The following TAF8 variants were observed in gnomAD, a reference collection of about 807,000 sequenced individuals.
TAF8 encodes TATA-box binding protein associated factor 8, also known as transcription initiation factor TFIID subunit 8.
TAF8 carries 47 observed loss-of-function variants against 36.5 expected under a neutral mutation model. The observed-to-expected ratio is 1.29, with a 90% CI of 1.02 to 1.64. The LOEUF is 1.64. Among genes scored for constraint, TAF8 ranks in the 40% most tolerant of loss-of-function variants. The pLI, the probability that TAF8 is intolerant of heterozygous loss-of-function variation, is 0.00. For synonymous variants in TAF8, 175 were observed against 159.5 expected (o/e 1.10, Z -0.73); for missense variants, 420 against 407.6 (o/e 1.03, Z -0.26).
chr6:42,061,288 A>G (rs1765182762), intron 5 of TAF8, among the ~76,000 whole-genome samples: 1 of 152,234 alleles, frequency 6.6e-6, no homozygotes, highest in East Asian at 1.9e-4. Flanking sequence ...AACATTATAG[A>G]AGTTTCCCAT....
In TAF8 at chr6:42,081,170, A is replaced by T. The variant is rs1346962877; in HGVS notation, c.*3625A>T. ...TGTCCTTTATTTTCTTTCCTCCTGGAGTGTGTGTGTGTGTGTGTGTGCGTG... is the reference window on the plus strand; with the variant it reads ...TGTCCTTTATTTTCTTTCCTCCTGGTGTGTGTGTGTGTGTGTGTGTGCGTG... On this transcript the variant is annotated 3_prime_UTR_variant, in exon 9 of 9. Coordinates refer to ENST00000372977, the MANE Select transcript of TAF8 (RefSeq NM_138572.3). The T allele has an allele frequency of 2.2e-5, 3 of 137,076 alleles. No individual in the cohort carries two copies. Among genetic ancestry groups the T allele is most frequent in the Admixed American group, 7.2e-5 (1 of 13,862 alleles). The allele number at this position is 137,076 out of a possible 1,614,324, so 8.5% of individuals were successfully genotyped here.
At chr6:42,066,231 T>C in intron 5 of TAF8, 81 bp from the exon 6 acceptor site, 1 of 1,566,274 alleles carries the variant, frequency 6.4e-7, no homozygotes, top group Non-Finnish European at 8.7e-7. Context: ...GAACAGGGCA[T>C]AGCAACAGCA....
intron 1 of TAF8, 142 bp downstream of exon 1, chr6:42,050,728 C>T (rs1764740094): frequency 5.4e-6 from 6 of 1,118,902 alleles, no homozygotes; most frequent in Non-Finnish European, 7.4e-6. Flanking sequence ...AGGCCGTAGG[C>T]GCCCCCTCCT....
intron 2 of TAF8, among the ~76,000 whole-genome samples, chr6:42,053,933 A>G (rs1764888978): frequency 6.6e-6 from 1 of 152,210 alleles, no homozygotes; most frequent in Non-Finnish European, 1.5e-5. Context: ...TGCTCAGTAT[A>G]GCAGGGGGGT....
At chr6:42,086,881 C>T (rs554210735), downstream of TAF8, 372 of 929,982 alleles carry the variant, frequency 4.0e-4, no homozygotes, top group Admixed American at 3.2e-3. Context: ...CAGATGCTAC[C>T]CCACAAGCTT....
chr6:42,050,909 C>G, intron 1 of TAF8: 18 of 1,178,390 alleles, frequency 1.5e-5, no homozygotes, highest in Non-Finnish European at 1.8e-5. Context: ...ATTTAGCTTT[C>G]TTACTTTTTT....
chr6:42,077,659 G>A lies in TAF8; in HGVS notation c.*114G>A, dbSNP rs966647952. The A allele has an allele frequency of 1.3e-6, 2 of 1,542,052 alleles. No individual in the cohort carries two copies. Among genetic ancestry groups the A allele is most frequent in the African/African-American group, 1.4e-5 (1 of 72,622 alleles). On this transcript the variant is annotated 3_prime_UTR_variant, in exon 9 of 9. Coordinates refer to ENST00000372977, the MANE Select transcript of TAF8 (RefSeq NM_138572.3). Reference sequence around the variant, plus strand: ...CTCATGGCCAAGCCGAGGCTGCAGGGTGTGATCGGACATGATTTTCATGGC... The same window carrying A: ...CTCATGGCCAAGCCGAGGCTGCAGGATGTGATCGGACATGATTTTCATGGC...
At position 42,077,263 on chromosome 6, in the gene TAF8, A is replaced by G. The variant is rs760597964; in HGVS notation, c.920+24A>G. The G allele has an allele frequency of 3.7e-6, 6 of 1,606,904 alleles. No individual in the cohort carries two copies. The African/African-American group carries it at 6.7e-5, about 18-fold the overall frequency. On this transcript the variant is annotated intron_variant, in intron 8 of 8. Transcript: ENST00000372977. ...AAGTGAGTTGGAGGCTGGGGTCCAG[A>G]GAGCCTTCACTGTCCCACCGAGGTG...
rs750070507 is a variant in TAF8 at position 42,081,186 on chromosome 6, TGTGTGC to T, written c.*3647_*3652del. On this transcript the variant is annotated 3_prime_UTR_variant, in exon 9 of 9. Coordinates refer to ENST00000372977, the MANE Select transcript of TAF8 (RefSeq NM_138572.3). ...TCCTCCTGGAGTGTGTGTGTGTGTG[TGTGTGC>T]GTGTGTGTGCGTGTGAGACAGAGTT... 4 of 142,142 alleles carry T rather than the reference TGTGTGC, an allele frequency of 2.8e-5. No individual in the cohort carries two copies. The highest frequency in any genetic ancestry group is 5.7e-5 in the African/African-American group (2 of 35,356). 8.8% of individuals were successfully genotyped at this position (142,142 alleles called of 1,614,324 possible).
intron 5 of TAF8, among the ~76,000 whole-genome samples, chr6:42,064,914 G>A (rs9471747): frequency 0.23 from 27,341 of 116,476 alleles, 3,168 homozygotes; most frequent in Middle Eastern, 0.38. Context: ...CAGAGATCCC[G>A]CCACTGCACT....
At chr6:42,068,104 T>A (rs867926185) in intron 6 of TAF8, among the ~76,000 whole-genome samples, 1 of 152,204 alleles carries the variant, frequency 6.6e-6, no homozygotes, top group South Asian at 2.1e-4. Flanking sequence ...TCAAAACTTA[T>A]GTGTTGCTAG....
chr6:42,057,645 C>A, intron 5 of TAF8, 132 bp downstream of exon 5: 4 of 1,218,170 alleles, frequency 3.3e-6, no homozygotes, highest in African/African-American at 1.5e-5. Context: ...TGTGGCCGGG[C>A]ACATTGGCTC....
chr6:42,051,061 TG>T (rs1394344153), intron 1 of TAF8: 1 of 1,104,476 alleles, frequency 9.1e-7, no homozygotes, highest in Non-Finnish European at 1.1e-6. Flanking sequence ...AATCCCATCA[TG>T]CGTGTTTCTT....
intron 7 of TAF8, 133 bp from the exon 8 acceptor site, chr6:42,076,967 G>C: frequency 8.7e-7 from 1 of 1,150,058 alleles, no homozygotes. Flanking sequence ...GGCAGAGATA[G>C]GAATGTTGGA....
chr6:42,051,098 A>G, intron 1 of TAF8: 3 of 1,149,660 alleles, frequency 2.6e-6, no homozygotes, highest in Non-Finnish European at 3.2e-6. Context: ...ATAATCTGCT[A>G]AAGTAGAAAG....
At chr6:42,086,661 T>G (rs1334642842), downstream of TAF8, 159 of 1,539,480 alleles carry the variant, frequency 1.0e-4, no homozygotes, top group Non-Finnish European at 1.4e-4. Context: ...TCCACCACCC[T>G]CTCCTGACAA....
In TAF8 at chr6:42,055,631, T is replaced by C; in HGVS notation, c.301+2T>C. 1 of 1,611,328 alleles carries C rather than the reference T, an allele frequency of 6.2e-7. No homozygotes were observed. The highest frequency in any genetic ancestry group is 8.5e-7 in the Non-Finnish European group (1 of 1,177,424). Reference sequence around the variant, plus strand: ...TCGTGGTCACACTTGTTGAGATGGGTGAGTATACCTTCAGTTTCCAGTTCT... The same window carrying C: ...TCGTGGTCACACTTGTTGAGATGGGCGAGTATACCTTCAGTTTCCAGTTCT... On this transcript the variant is annotated splice_donor_variant, in intron 3 of 8. Transcript: ENST00000372977. LOFTEE classifies it high-confidence loss of function.
Position 42,055,250 on chromosome 6 carries a change from A to G in TAF8, c.203-281A>G, listed in dbSNP as rs188158770. ...AGCATAATGTTTTCAAAGTTCATCTATGCTATAACATTACCAGAATTTCCT... is the reference window on the plus strand; with the variant it reads ...AGCATAATGTTTTCAAAGTTCATCTGTGCTATAACATTACCAGAATTTCCT... On this transcript the variant is annotated intron_variant, in intron 2 of 8. Transcript: ENST00000372977. 9.8e-4 allele frequency among the ~76,000 whole-genome samples: 149 copies of G among 152,350 alleles called. 1 individual carries two copies. The highest frequency in any genetic ancestry group is 3.4e-3 in the African/African-American group (143 of 41,586).
In TAF8 at chr6:42,079,670, C is replaced by G; in HGVS notation, c.*2125C>G. 1 of 756,554 alleles carries G rather than the reference C, an allele frequency of 1.3e-6. No individual in the cohort carries two copies. Among genetic ancestry groups the G allele is most frequent in the Non-Finnish European group, 1.6e-6 (1 of 621,568 alleles). 46.9% of individuals were successfully genotyped at this position (756,554 alleles called of 1,614,324 possible). ...CTCCACTCCCCGGGTTCAAGCAATT[C>G]TCAGAGTAGCTGGGATTACAGATGC... is the stretch of plus-strand genomic sequence containing the variant. On this transcript the variant is annotated 3_prime_UTR_variant, in exon 9 of 9. Transcript: ENST00000372977.
Sources: allele counts gnomAD v4.1 joint callset (sites outside exome capture counted in the v4.1 genomes callset), GRCh38; gene constraint gnomAD v4.1.1; transcripts MANE v1.5; gene names NCBI Gene and HGNC (gene_info 2026-07-23, HGNC 2026-07-21).